CAMTA1: variants seen among roughly 807,000 people sequenced by gnomAD.
The protein encoded by CAMTA1 is calmodulin-binding transcription activator 1.
CAMTA1 carries 27 observed loss-of-function variants against 170.9 expected under a neutral mutation model. The observed-to-expected ratio is 0.16, with a 90% confidence interval of 0.12 to 0.22. The LOEUF is 0.22. Ranked by LOEUF, CAMTA1 falls within the 10% of genes least tolerant of loss-of-function variation. The pLI is 1.00. For missense variants in CAMTA1, 1,619 were observed against 2,217.2 expected, an observed-to-expected ratio of 0.73 and a Z score of 5.42; for synonymous variants, 833 against 891.5, an observed-to-expected ratio of 0.93 and a Z score of 1.17.
chr1:6,908,152 T>TC (rs1037677962), intron 3 of CAMTA1, among the ~76,000 whole-genome samples: 8 of 152,112 alleles, frequency 5.3e-5, no homozygotes, highest in Admixed American at 3.9e-4. Context: ...GAAGAAGACA[T>TC]CCCATCCCCT....
At chr1:7,670,852 C>T in intron 9 of CAMTA1, 59 bp from the exon 10 acceptor site, 1 of 1,593,526 alleles carries the variant, frequency 6.3e-7, no homozygotes, top group Non-Finnish European at 8.6e-7. Context: ...GGGGCTTCCC[C>T]ATGCTGCCTC....
At chr1:7,337,509 CG>C (rs2083464399) in intron 5 of CAMTA1, among the ~76,000 whole-genome samples, 1 of 2,410 alleles carries the variant, frequency 4.1e-4, no homozygotes, top group Admixed American at 4.3e-3. Flanking sequence ...CAGTGTGGGC[CG>C]TGGGCTCATC....
intron 5 of CAMTA1, among the ~76,000 whole-genome samples, chr1:7,265,079 T>C (rs1668709677): frequency 6.6e-6 from 1 of 152,204 alleles, no homozygotes; most frequent in Admixed American, 6.5e-5. Context: ...TTGTCTTTTC[T>C]GCTGCAGAAC....
chr1:7,247,952 C>T (rs1317427779), intron 4 of CAMTA1, among the ~76,000 whole-genome samples: 3 of 152,200 alleles, frequency 2.0e-5, no homozygotes, highest in East Asian at 1.9e-4. Context: ...TTGTTTTAGT[C>T]GATACAGACT....
At chr1:7,267,600 A>G (rs1669126496) in intron 5 of CAMTA1, among the ~76,000 whole-genome samples, 1 of 152,216 alleles carries the variant, frequency 6.6e-6, no homozygotes, top group South Asian at 2.1e-4. Flanking sequence ...CAGCAGGCCA[A>G]GGGTTTTAGT....
intron 6 of CAMTA1, among the ~76,000 whole-genome samples, chr1:7,556,765 A>G (rs2094884155): frequency 1.3e-5 from 2 of 152,078 alleles, no homozygotes; most frequent in African/African-American, 2.4e-5. Context: ...GGATCCTCGA[A>G]GAACCAGCTC....
chr1:7,687,109 G>A (rs892678535), intron 11 of CAMTA1, among the ~76,000 whole-genome samples: 7 of 151,840 alleles, frequency 4.6e-5, no homozygotes, highest in Non-Finnish European at 1.5e-5. Flanking sequence ...GCGTGCAGAT[G>A]GCGTTTAGCG....
At chr1:7,342,982 A>C (rs1200120070) in intron 5 of CAMTA1, among the ~76,000 whole-genome samples, 3 of 152,358 alleles carry the variant, frequency 2.0e-5, no homozygotes, top group East Asian at 3.9e-4. Flanking sequence ...AGTGGGCACC[A>C]GTCCTACAGA....
In CAMTA1 at chr1:6,887,560, T is replaced by C; in HGVS notation, c.234+62350T>C. ...TTGCCTTTACCCAGATGTCTCCTCC[T>C]CTCTCTGCCTCTGGAAATGGGGCAA... On this transcript the variant is annotated intron_variant, in intron 3 of 22. Coordinates refer to ENST00000303635, the MANE Select transcript of CAMTA1 (RefSeq NM_015215.4). This position sits in a 1 kb window ranked among gnomAD's most constrained non-coding sequence, Gnocchi z 4.1. The C allele has an allele frequency of 5.3e-6, 8 of 1,509,342 alleles. No individual in the cohort carries two copies. In the South Asian group the frequency reaches 9.9e-5, roughly 19 times the overall value. 93.5% of individuals were successfully genotyped at this position (1,509,342 alleles called of 1,614,324 possible). A position where few individuals can be genotyped will look rare whatever the true frequency, so the allele number is the denominator to read the frequency against.
chr1:7,640,149 G>C (rs1266955069), intron 6 of CAMTA1, among the ~76,000 whole-genome samples: 2 of 152,164 alleles, frequency 1.3e-5, no homozygotes, highest in Non-Finnish European at 2.9e-5. Flanking sequence ...GACTTCTCCA[G>C]GGGTCACAGC....
At chr1:7,188,654 T>C (rs1653937522) in intron 4 of CAMTA1, among the ~76,000 whole-genome samples, 1 of 152,234 alleles carries the variant, frequency 6.6e-6, no homozygotes, top group African/African-American at 2.4e-5. Flanking sequence ...TATCCTTCCT[T>C]TTTAAGGCTA....
chr1:6,943,395 A>G, intron 3 of CAMTA1, among the ~76,000 whole-genome samples: 1 of 152,094 alleles, frequency 6.6e-6, no homozygotes, highest in East Asian at 1.9e-4. Flanking sequence ...ACCTGATTTC[A>G]GAGAGCGGGG....
chr1:7,536,240 C>T (rs1408216214), intron 6 of CAMTA1, among the ~76,000 whole-genome samples: 1 of 152,196 alleles, frequency 6.6e-6, no homozygotes, highest in East Asian at 1.9e-4. Context: ...CAGTCTGGCT[C>T]CCAGAGGGGC....
chr1:7,512,557 G>T (rs1174923434), intron 6 of CAMTA1, among the ~76,000 whole-genome samples: 1 of 152,210 alleles, frequency 6.6e-6, no homozygotes, highest in Admixed American at 6.5e-5. Flanking sequence ...CAGGGGTCTC[G>T]CCCTGGACCT....
At chr1:7,523,902 A>ATAC (rs1485405589) in intron 6 of CAMTA1, among the ~76,000 whole-genome samples, 3 of 138,320 alleles carry the variant, frequency 2.2e-5, no homozygotes, top group African/African-American at 8.1e-5. Context: ...AATAATAATA[A>ATAC]TAATAATTTC....
At chr1:7,684,670 G>T (rs1368519657) in intron 11 of CAMTA1, among the ~76,000 whole-genome samples, 1 of 152,188 alleles carries the variant, frequency 6.6e-6, no homozygotes, top group African/African-American at 2.4e-5. Context: ...ACCCCATCCG[G>T]TGTGAACCCG....
chr1:6,986,275 A>T (rs1031290233), intron 3 of CAMTA1, among the ~76,000 whole-genome samples: 2 of 152,214 alleles, frequency 1.3e-5, no homozygotes, highest in African/African-American at 4.8e-5. Flanking sequence ...TGAGCATCAA[A>T]GGATGGTTGT....
chr1:6,987,965 C>A (rs374898042), intron 3 of CAMTA1, among the ~76,000 whole-genome samples: 37 of 152,332 alleles, frequency 2.4e-4, no homozygotes, highest in African/African-American at 8.7e-4. Flanking sequence ...GCTTAGCCAG[C>A]TCTGCTTGAC....
intron 3 of CAMTA1, among the ~76,000 whole-genome samples, chr1:7,001,399 A>G (rs1698188524): frequency 1.3e-5 from 2 of 152,210 alleles, no homozygotes; most frequent in African/African-American, 4.8e-5. Context: ...AGAGCTGAGG[A>G]GCTCACCACT....
Sources: allele counts gnomAD v4.1 joint callset (sites outside exome capture counted in the v4.1 genomes callset), GRCh38; gene constraint gnomAD v4.1.1; non-coding constraint Gnocchi (gnomAD v3.1); transcripts MANE v1.5; gene names NCBI Gene and HGNC (gene_info 2026-07-23, HGNC 2026-07-21).